NDUFV3: variants seen among roughly 807,000 people sequenced by gnomAD.
NDUFV3 encodes NADH:ubiquinone oxidoreductase subunit V3.
In NDUFV3, 44 loss-of-function variants were observed where a neutral mutation model predicts 37.5. The observed-to-expected ratio is 1.17, with a 90% CI of 0.92 to 1.51. The LOEUF (loss-of-function observed/expected upper bound fraction) is 1.51. Among genes scored for constraint, NDUFV3 ranks in the 40% most tolerant of loss-of-function variants. The pLI is 0.00. For synonymous variants in NDUFV3, 235 were observed against 239.3 expected (o/e 0.98, Z 0.17); for missense variants, 580 against 580.4 (o/e 1.00, Z 0.01).
chr21:42,897,099 A>G, intron 2 of NDUFV3, 52 bp downstream of exon 2: 1 of 1,603,266 alleles, frequency 6.2e-7, no homozygotes, highest in Non-Finnish European at 8.5e-7. Flanking sequence ...AAGAAAATAG[A>G]TTAGTCAGCC....
At chr21:42,894,849 A>G (rs1439287678) in intron 1 of NDUFV3, among the ~76,000 whole-genome samples, 1 of 151,980 alleles carries the variant, frequency 6.6e-6, no homozygotes, top group African/African-American at 2.4e-5. Flanking sequence ...ATGTGCACAT[A>G]CAGGCACCTC....
At chr21:42,897,321 G>A (rs1393218340) in intron 2 of NDUFV3, among the ~76,000 whole-genome samples, 1 of 152,208 alleles carries the variant, frequency 6.6e-6, no homozygotes, top group Non-Finnish European at 1.5e-5. Flanking sequence ...TGATGCCTTG[G>A]TAAAGGCTCT....
intron 1 of NDUFV3, among the ~76,000 whole-genome samples, chr21:42,893,682 G>C (rs2058668428): frequency 6.6e-6 from 1 of 152,244 alleles, no homozygotes; most frequent in Non-Finnish European, 1.5e-5. Flanking sequence ...CTGGGCGGCA[G>C]ACTCGGGTGG....
At chr21:42,907,172 AC>A (rs2058745598) in intron 3 of NDUFV3, among the ~76,000 whole-genome samples, 1 of 151,974 alleles carries the variant, frequency 6.6e-6, no homozygotes. Flanking sequence ...TTTTGCCTCA[AC>A]CCCTACTTGT....
In NDUFV3 at chr21:42,903,228, A is replaced by G. The variant is rs955985915; in HGVS notation, c.216A>G (p.Thr72=). The G allele has an allele frequency of 1.2e-6, 2 of 1,614,212 alleles. No homozygotes were observed. Among genetic ancestry groups the G allele is most frequent in the Non-Finnish European group, 1.7e-6 (2 of 1,180,030 alleles). Residue 72 remains threonine, a synonymous_variant, in exon 3 of 4, where the codon ACA becomes ACG. Coordinates refer to ENST00000354250, the MANE Select transcript of NDUFV3 (RefSeq NM_021075.4). ...KERGKLLATQ[T]AAELSKNLSS... is the part of the protein sequence containing the mutation. ...GGGGCAAGCTCCTAGCCACCCAGAC[A>G]GCAGCTGAATTGTCTAAAAACTTAT...
chr21:42,894,510 T>TATATA (rs1439982782), intron 1 of NDUFV3, among the ~76,000 whole-genome samples: 6 of 63,870 alleles, frequency 9.4e-5, no homozygotes, highest in African/African-American at 4.8e-4. Context: ...ATAATATATA[T>TATATA]TTATATATTA....
chr21:42,906,202 C>T (rs183633293), intron 3 of NDUFV3, among the ~76,000 whole-genome samples: 1 of 152,244 alleles, frequency 6.6e-6, no homozygotes, highest in Non-Finnish European at 1.5e-5. Flanking sequence ...TGATAAGATG[C>T]AATGCGCTTT....
chr21:42,896,184 T>C (rs1326411358), intron 1 of NDUFV3, among the ~76,000 whole-genome samples: 5 of 140,352 alleles, frequency 3.6e-5, no homozygotes. Flanking sequence ...TGCGACAGAG[T>C]CTTGCTCTGT....
At chr21:42,901,169 G>C (rs923938574) in intron 2 of NDUFV3, among the ~76,000 whole-genome samples, 7 of 152,074 alleles carry the variant, frequency 4.6e-5, no homozygotes, top group African/African-American at 1.7e-4. Flanking sequence ...TAGGCACAGT[G>C]GCTCACTTCT....
At chr21:42,904,399 C>G in intron 3 of NDUFV3, 123 bp downstream of exon 3, 1 of 1,326,486 alleles carries the variant, frequency 7.5e-7, no homozygotes, top group East Asian at 2.5e-5. Flanking sequence ...AGAAATATGG[C>G]CTGTAACGCT....
chr21:42,902,685 G>A (rs372524848), intron 2 of NDUFV3, among the ~76,000 whole-genome samples: 6 of 152,176 alleles, frequency 3.9e-5, no homozygotes, highest in African/African-American at 1.2e-4. Context: ...ATCTCAGGCT[G>A]TGAGATAGGC....
intron 2 of NDUFV3, among the ~76,000 whole-genome samples, chr21:42,901,205 AGGTGGGTG>A (rs763228017): frequency 2.0e-5 from 3 of 152,110 alleles, no homozygotes; most frequent in Non-Finnish European, 2.9e-5. Context: ...TGGGAGGCTG[AGGTGGGTG>A]GATCACCTGA....
At chr21:42,896,588 C>T (rs2058692382) in intron 1 of NDUFV3, among the ~76,000 whole-genome samples, 1 of 151,416 alleles carries the variant, frequency 6.6e-6, no homozygotes, top group African/African-American at 2.4e-5. Context: ...AATCCCAGCA[C>T]TTCAGGAGGC....
intron 3 of NDUFV3, among the ~76,000 whole-genome samples, chr21:42,905,324 T>G (rs2058736513): frequency 6.6e-6 from 1 of 152,192 alleles, no homozygotes. Flanking sequence ...GTAAACTAGA[T>G]GATTGCTTTC....
At chr21:42,895,874 C>G (rs995744325) in intron 1 of NDUFV3, among the ~76,000 whole-genome samples, 1 of 151,870 alleles carries the variant, frequency 6.6e-6, no homozygotes, top group Non-Finnish European at 1.5e-5. Flanking sequence ...ACTGTAATAA[C>G]CATTAGAAGT....
Position 42,896,289 on chromosome 21 carries a change from T to C in NDUFV3, c.49-638T>C, listed in dbSNP as rs1489529481. 9.2e-5 allele frequency among the ~76,000 whole-genome samples: 14 copies of C among 151,480 alleles called. No homozygotes were observed. The East Asian group carries it at 1.9e-3, about 21-fold the overall frequency. ...CTCCTGCCTCAGCCTCCCAAGTAGC[T>C]GGGACTACAGGCACCCGCCACCATG... On this transcript the variant is annotated intron_variant, in intron 1 of 3. Transcript: ENST00000354250.
chr21:42,895,923 T>TA (rs1310991272), intron 1 of NDUFV3, among the ~76,000 whole-genome samples: 1 of 151,818 alleles, frequency 6.6e-6, no homozygotes, highest in Non-Finnish European at 1.5e-5. Context: ...GTAGTGGTAA[T>TA]ATGTAATATT....
chr21:42,902,071 G>C (rs1031200892), intron 2 of NDUFV3, among the ~76,000 whole-genome samples: 1 of 152,188 alleles, frequency 6.6e-6, no homozygotes, highest in Non-Finnish European at 1.5e-5. Context: ...AGCTGGGTGT[G>C]GTGGCGCATG....
chr21:42,898,730 C>T (rs1308981588), intron 2 of NDUFV3, among the ~76,000 whole-genome samples: 5 of 152,196 alleles, frequency 3.3e-5, no homozygotes, highest in Admixed American at 2.6e-4. Flanking sequence ...CTCAAACTCC[C>T]ATAGTATTGG....
Sources: gnomAD v4.1 joint callset for allele counts (sites outside exome capture counted in the v4.1 genomes callset) on GRCh38, gnomAD v4.1.1 for gene constraint, MANE v1.5 for transcripts, NCBI Gene and HGNC (gene_info 2026-07-23, HGNC 2026-07-21) for gene names.